PRKN: variants seen among roughly 807,000 people sequenced by gnomAD.
The protein encoded by PRKN is E3 ubiquitin-protein ligase parkin.
In PRKN, 56 loss-of-function variants were observed where a neutral mutation model predicts 59.5. That is an observed-to-expected ratio of 0.94 (90% CI 0.76 to 1.18). The LOEUF (loss-of-function observed/expected upper bound fraction) is 1.18. Ranked by LOEUF, PRKN falls within the 50% of genes most tolerant of loss-of-function variation. PRKN has a pLI of 0.00. For missense variants in PRKN, 657 were observed against 596.4 expected (o/e 1.10, Z -1.06); for synonymous variants, 250 against 222.1 (o/e 1.13, Z -1.12).
At chr6:161,835,441 G>A (rs1305977398) in intron 6 of PRKN, among the ~76,000 whole-genome samples, 1 of 152,174 alleles carries the variant, frequency 6.6e-6, no homozygotes, top group Non-Finnish European at 1.5e-5. Flanking sequence ...ATTGAAATTT[G>A]TCACTCTGGG....
chr6:162,528,727 A>C (rs1778390375), intron 1 of PRKN, among the ~76,000 whole-genome samples: 1 of 152,060 alleles, frequency 6.6e-6, no homozygotes, highest in South Asian at 2.1e-4. Flanking sequence ...CTGAAGTTTG[A>C]GGTTACAGTG....
Position 162,659,014 on chromosome 6 carries a change from A to T in PRKN, c.7+68648T>A, listed in dbSNP as rs573560309. 3.0e-3 allele frequency among the ~76,000 whole-genome samples: 452 copies of T among 152,334 alleles called. 2 individuals carry two copies. The highest frequency in any genetic ancestry group is 0.014 in the Middle Eastern group (4 of 294). On this transcript the variant is annotated intron_variant, in intron 1 of 11. Coordinates refer to ENST00000366898, the MANE Select transcript of PRKN (RefSeq NM_004562.3). The stretch of plus-strand genomic sequence containing the variant: ...AAGAATCAAGCTGTAAAACACTGAA[A>T]ACTCTTCAATTTTCATAGGTAATAG...
chr6:162,442,847 C>T (rs1023624569), intron 2 of PRKN, among the ~76,000 whole-genome samples: 2 of 152,174 alleles, frequency 1.3e-5, no homozygotes, highest in Non-Finnish European at 2.9e-5. Context: ...GCCCACACCT[C>T]CTCTAGCGCA....
At chr6:162,350,104 T>A (rs1462037657) in intron 2 of PRKN, among the ~76,000 whole-genome samples, 1 of 151,924 alleles carries the variant, frequency 6.6e-6, no homozygotes, top group African/African-American at 2.4e-5. Context: ...CCACATCATT[T>A]AAAAAAATAT....
At chr6:161,850,833 T>A (rs1463434291) in intron 6 of PRKN, among the ~76,000 whole-genome samples, 1 of 152,106 alleles carries the variant, frequency 6.6e-6, no homozygotes, top group Non-Finnish European at 1.5e-5. Context: ...TCAGTAACAG[T>A]CATACTAATG....
In PRKN at chr6:162,304,848, G is replaced by A. The variant is rs912483765; in HGVS notation, c.172-42083C>T. Among the ~76,000 whole-genome samples the A allele has an allele frequency of 7.2e-5, 10 of 139,012 alleles. 1 individual carries two copies. Among genetic ancestry groups the A allele is most frequent in the African/African-American group, 1.6e-4 (6 of 37,478 alleles). The allele number at this position is 139,012 out of a possible 152,430, so 91.2% of individuals were successfully genotyped here. A position where few individuals can be genotyped will look rare whatever the true frequency, so the allele number is the denominator to read the frequency against. Reference sequence around the variant, plus strand: ...CCAGATGTGAGTGCCAGGGTAGTCAGATGTGTTGTTTAACTCAAGTGAAAA... The same window carrying A: ...CCAGATGTGAGTGCCAGGGTAGTCAAATGTGTTGTTTAACTCAAGTGAAAA... On this transcript the variant is annotated intron_variant, in intron 2 of 11. Coordinates refer to ENST00000366898, the MANE Select transcript of PRKN (RefSeq NM_004562.3).
chr6:162,500,317 G>A (rs868045084), intron 1 of PRKN, among the ~76,000 whole-genome samples: 40 of 151,816 alleles, frequency 2.6e-4, no homozygotes, highest in African/African-American at 8.2e-4. Flanking sequence ...GATCACAGGC[G>A]CCCGCCACCA....
At chr6:161,682,073 G>A (rs1046685421) in intron 7 of PRKN, among the ~76,000 whole-genome samples, 1 of 152,212 alleles carries the variant, frequency 6.6e-6, no homozygotes, top group African/African-American at 2.4e-5. Context: ...TACCAAAAGA[G>A]GAAGAAAGGA....
At chr6:162,579,792 C>T (rs1259665714) in intron 1 of PRKN, among the ~76,000 whole-genome samples, 38 of 152,076 alleles carry the variant, frequency 2.5e-4, no homozygotes, top group Middle Eastern at 3.2e-3. Context: ...GATTTATACA[C>T]ACGTTCACAC....
At chr6:162,563,460 C>T (rs951172063) in intron 1 of PRKN, among the ~76,000 whole-genome samples, 1 of 152,230 alleles carries the variant, frequency 6.6e-6, no homozygotes, top group Non-Finnish European at 1.5e-5. Context: ...CATTACTGGG[C>T]TTGGGGTTCC....
At chr6:161,855,141 C>A (rs1793600832) in intron 6 of PRKN, among the ~76,000 whole-genome samples, 1 of 150,812 alleles carries the variant, frequency 6.6e-6, no homozygotes, top group African/African-American at 2.4e-5. Context: ...ACAATGCACA[C>A]CTTGCACCAG....
chr6:162,299,322 T>G (rs745324490), intron 2 of PRKN, among the ~76,000 whole-genome samples: 2 of 152,124 alleles, frequency 1.3e-5, no homozygotes, highest in Admixed American at 6.6e-5. Context: ...AGACTTCCAA[T>G]CTGAAACGCT....
chr6:161,681,519 C>T (rs78724261), intron 7 of PRKN, among the ~76,000 whole-genome samples: 10,266 of 151,384 alleles, frequency 0.068, 412 homozygotes, highest in African/African-American at 0.12. Flanking sequence ...TCAATGGTTA[C>T]AAGTAACAAT....
In PRKN at chr6:161,742,582, T is replaced by G. The variant is rs138337387; in HGVS notation, c.871+43190A>C. Reference sequence around the variant, plus strand: ...TGCATTGTGGAAAGCAAGAACTGGTTGCTCTCCTTGATGAAGCTCTCACAT... The same window carrying G: ...TGCATTGTGGAAAGCAAGAACTGGTGGCTCTCCTTGATGAAGCTCTCACAT... On this transcript the variant is annotated intron_variant, in intron 7 of 11. Coordinates refer to ENST00000366898, the MANE Select transcript of PRKN (RefSeq NM_004562.3). Among the ~76,000 whole-genome samples, 625 of 152,344 alleles carry G rather than the reference T, an allele frequency of 4.1e-3. 5 individuals carry two copies. Among genetic ancestry groups the G allele is most frequent in the African/African-American group, 0.014 (593 of 41,572 alleles).
chr6:162,721,179 T>C (rs1402607971), intron 1 of PRKN, among the ~76,000 whole-genome samples: 1 of 152,196 alleles, frequency 6.6e-6, no homozygotes, highest in African/African-American at 2.4e-5. Context: ...TGGACTTCTT[T>C]CCTTTGTTTT....
At chr6:161,608,268 A>G (rs1211865720) in intron 7 of PRKN, among the ~76,000 whole-genome samples, 1 of 152,202 alleles carries the variant, frequency 6.6e-6, no homozygotes, top group African/African-American at 2.4e-5. Context: ...TGACGACTTT[A>G]CCCAAACCCA....
chr6:162,552,434 T>C (rs1779369440), intron 1 of PRKN, among the ~76,000 whole-genome samples: 1 of 152,154 alleles, frequency 6.6e-6, no homozygotes, highest in South Asian at 2.1e-4. Flanking sequence ...TCTGGAGGTA[T>C]ATCAACCATT....
chr6:161,986,272 C>T (rs2128256127), intron 5 of PRKN, among the ~76,000 whole-genome samples: 1 of 152,304 alleles, frequency 6.6e-6, no homozygotes, highest in Non-Finnish European at 1.5e-5. Context: ...TCTGCAGAAG[C>T]AGTCACAGAG....
chr6:162,235,975 A>AAGAAAGAAAG (rs1778673430), intron 3 of PRKN, among the ~76,000 whole-genome samples: 3 of 110,562 alleles, frequency 2.7e-5, no homozygotes, highest in African/African-American at 1.4e-4. Context: ...GAAAGAAAGA[A>AAGAAAGAAAG]AGAAAGAAAG....
Sources: allele counts gnomAD v4.1 joint callset (sites outside exome capture counted in the v4.1 genomes callset), GRCh38; gene constraint gnomAD v4.1.1; transcripts MANE v1.5; gene names NCBI Gene and HGNC (gene_info 2026-07-23, HGNC 2026-07-21).